The following FAT3 variants were observed in gnomAD, a reference collection of about 807,000 sequenced individuals.
FAT3 encodes protocadherin Fat 3.
Under a neutral mutation model 310.2 loss-of-function variants are expected in FAT3, and 95 were observed. The observed-to-expected ratio is 0.31, with a 90% confidence interval of 0.26 to 0.36. The LOEUF (loss-of-function observed/expected upper bound fraction) is 0.36, where lower values mean the gene tolerates loss of function less well. FAT3 is among the 10% of genes least tolerant of loss of function. The pLI is 1.00. For synonymous variants in FAT3, 2,314 were observed against 2,192.9 expected (o/e 1.06, Z -1.54); for missense variants, 5,408 against 5,715.6 (o/e 0.95, Z 1.74).
chr11:92,339,854 C>T (rs1278035745), intron 1 of FAT3, among the ~76,000 whole-genome samples: 1 of 152,066 alleles, frequency 6.6e-6, no homozygotes, highest in Non-Finnish European at 1.5e-5. Context: ...TGGCTCAAGC[C>T]TGTAATTCCA....
At chr11:92,452,787 G>A (rs1446542698) in intron 2 of FAT3, among the ~76,000 whole-genome samples, 1 of 152,108 alleles carries the variant, frequency 6.6e-6, no homozygotes, top group Non-Finnish European at 1.5e-5. Context: ...TTTTGAGACA[G>A]TGTCTTGCTC....
At chr11:92,618,198 C>A (rs1356989291) in intron 3 of FAT3, among the ~76,000 whole-genome samples, 6 of 152,210 alleles carry the variant, frequency 3.9e-5, no homozygotes, top group African/African-American at 9.6e-5. Flanking sequence ...GCCCCTCCCC[C>A]AGCCTTGCTG....
chr11:92,489,513 C>T (rs927327506), intron 2 of FAT3, among the ~76,000 whole-genome samples: 8 of 151,922 alleles, frequency 5.3e-5, no homozygotes, highest in Admixed American at 1.3e-4. Context: ...GGCCTCTATA[C>T]GATAGTTTGT....
intron 3 of FAT3, among the ~76,000 whole-genome samples, chr11:92,533,787 G>A (rs1565391129): frequency 6.6e-6 from 1 of 152,098 alleles, no homozygotes; most frequent in African/African-American, 2.4e-5. Flanking sequence ...AACCCACTGA[G>A]AAAAGGTAGT....
rs1949909348 is a variant in FAT3, at chr11:92,891,071, T to C, written c.13728T>C (p.Leu4576=). The change falls in exon 28 of 28, where the codon CTT becomes CTC. Residue 4576 remains leucine, a synonymous_variant. Coordinates refer to ENST00000525166, the MANE Select transcript of FAT3 (RefSeq NM_001367949.2). ...TGGGAGAGCTCAGCCTCGCCAGCCT[T>C]CACATTCCCTTTGTGGAGACTCAGC... ...ESVGELSLAS[L]HIPFVETQHQ... 3 of 1,613,664 alleles carry C rather than the reference T, an allele frequency of 1.9e-6. No individual in the cohort carries two copies. Among genetic ancestry groups the C allele is most frequent in the African/African-American group, 2.7e-5 (2 of 74,910 alleles).
chr11:92,739,410 A>G (rs1300955956), intron 4 of FAT3, among the ~76,000 whole-genome samples: 1 of 152,182 alleles, frequency 6.6e-6, no homozygotes, highest in Non-Finnish European at 1.5e-5. Context: ...AGACATTCCT[A>G]TTGCCTTAAA....
chr11:92,313,376 T>C (rs1360056499), intron 1 of FAT3, among the ~76,000 whole-genome samples: 2 of 152,186 alleles, frequency 1.3e-5, no homozygotes, highest in African/African-American at 4.8e-5. Flanking sequence ...CCACATTCAC[T>C]TCCACAGTAA....
chr11:92,270,986 T>A (rs780370789), intron 1 of FAT3, among the ~76,000 whole-genome samples: 21 of 152,046 alleles, frequency 1.4e-4, no homozygotes, highest in Non-Finnish European at 2.2e-4. Flanking sequence ...TTCCAAAATA[T>A]ATCCCAAAGC....
chr11:92,594,429 G>C (rs1345171078), intron 3 of FAT3, among the ~76,000 whole-genome samples: 1 of 152,156 alleles, frequency 6.6e-6, no homozygotes, highest in East Asian at 1.9e-4. Flanking sequence ...GTGACAGAGT[G>C]AGACTGCATC....
In FAT3 at chr11:92,892,785, G is replaced by A. The variant is rs1350899196; in HGVS notation, c.*1672G>A. On this transcript the variant is annotated 3_prime_UTR_variant, in exon 28 of 28. Coordinates refer to ENST00000525166, the MANE Select transcript of FAT3 (RefSeq NM_001367949.2). ...TACCTCTGTTTTAAAAGTGTGTAAT[G>A]TTTGATTACACCCTGGGATTCCCTT... 1 of 152,158 alleles carries A rather than the reference G, an allele frequency of 6.6e-6. No homozygotes were observed. The highest frequency in any genetic ancestry group is 6.5e-5 in the Admixed American group (1 of 15,276). The allele number at this position is 152,158 out of a possible 1,614,324, so 9.4% of individuals were successfully genotyped here. A position where few individuals can be genotyped will look rare whatever the true frequency, so the allele number is the denominator to read the frequency against.
At chr11:92,280,694 C>T (rs1946397468) in intron 1 of FAT3, among the ~76,000 whole-genome samples, 1 of 152,164 alleles carries the variant, frequency 6.6e-6, no homozygotes, top group Non-Finnish European at 1.5e-5. Flanking sequence ...GCTCCCAAGG[C>T]TGTTCATGCT....
At chr11:92,852,993 A>G (rs1336581466) in intron 19 of FAT3, among the ~76,000 whole-genome samples, 1 of 152,172 alleles carries the variant, frequency 6.6e-6, no homozygotes, top group Non-Finnish European at 1.5e-5. Flanking sequence ...GAAAACCTCT[A>G]TGGCTGGTGA....
intron 3 of FAT3, among the ~76,000 whole-genome samples, chr11:92,570,666 T>C (rs1328065291): frequency 1.3e-5 from 2 of 152,238 alleles, no homozygotes; most frequent in African/African-American, 4.8e-5. Flanking sequence ...CTGCTTAATT[T>C]ACATTGCCAG....
intron 3 of FAT3, among the ~76,000 whole-genome samples, chr11:92,603,371 A>G (rs944763533): frequency 1.3e-5 from 2 of 152,274 alleles, no homozygotes; most frequent in Non-Finnish European, 2.9e-5. Context: ...AGATGAGGGA[A>G]GAATAATGAA....
intron 18 of FAT3, among the ~76,000 whole-genome samples, 170 bp downstream of exon 18, chr11:92,840,929 C>G (rs1251511394): frequency 6.6e-6 from 1 of 152,166 alleles, no homozygotes; most frequent in African/African-American, 2.4e-5. Context: ...AAAGCTGCCT[C>G]TGTGTGTGAA....
chr11:92,255,449 C>T (rs4542368), intron 1 of FAT3, among the ~76,000 whole-genome samples: 46,961 of 151,620 alleles, frequency 0.31, 8,668 homozygotes, highest in African/African-American at 0.52. Flanking sequence ...GTCCTTGCCA[C>T]AGAGTATGGA....
chr11:92,622,100 A>G (rs1941114672), intron 3 of FAT3, among the ~76,000 whole-genome samples: 1 of 152,162 alleles, frequency 6.6e-6, no homozygotes, highest in Non-Finnish European at 1.5e-5. Context: ...GGCCTAGCCA[A>G]CATGGTGAAA....
chr11:92,230,944 T>G (rs188254536), intron 1 of FAT3, among the ~76,000 whole-genome samples: 17 of 152,332 alleles, frequency 1.1e-4, no homozygotes, highest in Admixed American at 7.8e-4. Context: ...CAAGGCACTA[T>G]GAAATAAATT....
Position 92,352,607 on chromosome 11 carries a change from T to C in FAT3, c.495T>C (p.Val165=), listed in dbSNP as rs746092947. The C allele has an allele frequency of 1.2e-6, 2 of 1,613,844 alleles. No individual in the cohort carries two copies. Among genetic ancestry groups the C allele is most frequent in the South Asian group, 1.1e-5 (1 of 91,084 alleles). The part of the protein sequence containing the change: ...RPLFSPTTYS[V]TIAESTPLRT... ...TGTTTTCACCCACAACATACTCTGT[T>C]ACCATAGCAGAAAGCACACCTCTAA... The change falls in exon 2 of 28, where the codon GTT becomes GTC. Residue 165 remains valine (V), a synonymous_variant. Coordinates refer to ENST00000525166, the MANE Select transcript of FAT3 (RefSeq NM_001367949.2).
Sources: gnomAD v4.1 joint callset for allele counts (sites outside exome capture counted in the v4.1 genomes callset) on GRCh38, gnomAD v4.1.1 for gene constraint, MANE v1.5 for transcripts, NCBI Gene and HGNC (gene_info 2026-07-23, HGNC 2026-07-21) for gene names.